Variants in RNASEH2B observed in about 807,000 individuals in gnomAD.
RNASEH2B encodes Aicardi-Goutieres syndrome 2 protein.
Under a neutral mutation model 45.0 loss-of-function variants are expected in RNASEH2B, and 36 were observed. The ratio of observed to expected loss-of-function variants is 0.80; its 90% CI spans 0.61 to 1.06. RNASEH2B has a LOEUF of 1.06. RNASEH2B is among the 50% of genes least tolerant of loss of function. The pLI is 0.00. For missense variants in RNASEH2B, 361 were observed against 360.3 expected, an observed-to-expected ratio of 1.00 and a Z score of -0.02; for synonymous variants, 119 against 125.7, an observed-to-expected ratio of 0.95 and a Z score of 0.35.
At position 50,970,336 on chromosome 13, in the gene RNASEH2B, CCTTA is replaced by C. The variant is rs574696297; in HGVS notation, c.*376_*379del. 8.9e-4 allele frequency: 418 copies of C among 469,746 alleles called. 5 individuals carry two copies. In the South Asian group the frequency reaches 0.017, roughly 19 times the overall value. The allele number at this position is 469,746 out of a possible 1,614,324, so 29.1% of individuals were successfully genotyped here. On this transcript the variant is annotated 3_prime_UTR_variant, in exon 10 of 10. Coordinates refer to the RNASEH2B transcript ENST00000422660. ...AAGCTTTGGCAAACCAAGTTTCAAC[CCTTA>C]CTTTAAAAATCTGACACTGCTTTAC...
chr13:50,967,577 G>T (rs770088755), intron 9 of RNASEH2B, among the ~76,000 whole-genome samples: 11 of 152,174 alleles, frequency 7.2e-5, no homozygotes, highest in Non-Finnish European at 2.9e-5. Context: ...ATGAGTAACT[G>T]AGCCAGAACT....
chr13:50,924,653 G>A (rs992859788), intron 1 of RNASEH2B, among the ~76,000 whole-genome samples: 1 of 152,030 alleles, frequency 6.6e-6, no homozygotes, highest in Non-Finnish European at 1.5e-5. Context: ...TAACTTCCTG[G>A]GCTCAAGTGA....
intron 1 of RNASEH2B, chr13:50,912,979 G>T (rs1263813738): frequency 6.6e-6 from 1 of 152,158 alleles, no homozygotes; most frequent in Non-Finnish European, 1.5e-5. Flanking sequence ...TTTGATTTAG[G>T]TATCTTTGCC....
At chr13:50,970,078 G>T (rs375966200) in exon 10 of RNASEH2B, 31 of 930,760 alleles carry the variant, frequency 3.3e-5, no homozygotes, top group African/African-American at 2.3e-4. Context: ...GCCAAAAGGT[G>T]CATTTTAAAG....
intron 5 of RNASEH2B, among the ~76,000 whole-genome samples, chr13:50,939,538 AAAAAT>A: frequency 2.0e-5 from 3 of 152,306 alleles, no homozygotes; most frequent in Non-Finnish European, 4.4e-5. Flanking sequence ...AAAAATAAAT[AAAAAT>A]AAAATAAATT....
chr13:50,956,751 T>A lies in RNASEH2B; in HGVS notation c.*277T>A. On this transcript the variant is annotated 3_prime_UTR_variant, in exon 11 of 11. Transcript: ENST00000336617. ...CATCATGATTTTCTCAATAAACTGA[T>A]GTGTGACAATGTTAGAGTGTATGAC... The A allele has an allele frequency of 8.4e-7, 1 of 1,183,808 alleles. No homozygotes were observed. Among genetic ancestry groups the A allele is most frequent in the Non-Finnish European group, 1.1e-6 (1 of 943,428 alleles). 73.3% of individuals were successfully genotyped at this position (1,183,808 alleles called of 1,614,324 possible). A position where few individuals can be genotyped will look rare whatever the true frequency, so the allele number is the denominator to read the frequency against.
At chr13:50,919,488 G>T (rs1264146804) in intron 1 of RNASEH2B, among the ~76,000 whole-genome samples, 2 of 152,136 alleles carry the variant, frequency 1.3e-5, no homozygotes, top group Non-Finnish European at 2.9e-5. Flanking sequence ...TGGCTGTGTG[G>T]TCTACTGGCT....
At chr13:50,934,411 C>A (rs1264880489) in intron 4 of RNASEH2B, 1 of 157,170 alleles carries the variant, frequency 6.4e-6, no homozygotes, top group Non-Finnish European at 1.4e-5. Context: ...TTTGTATTTT[C>A]TTTTTGTGGC....
Position 50,909,866 on chromosome 13 carries a change from C to A in RNASEH2B, c.-211C>A. The A allele has an allele frequency of 2.3e-6, 1 of 436,300 alleles. No homozygotes were observed. The highest frequency in any genetic ancestry group is 4.1e-6 in the Non-Finnish European group (1 of 246,592). 27.0% of individuals were successfully genotyped at this position (436,300 alleles called of 1,614,324 possible). A position where few individuals can be genotyped will look rare whatever the true frequency, so the allele number is the denominator to read the frequency against. The stretch of plus-strand genomic sequence containing the variant: ...CCACCGGCCGGCATTCAGAGCCCCT[C>A]GCCTGGCGCTAAATTTAAAAACGTA... On this transcript the variant is annotated 5_prime_UTR_variant, in exon 1 of 11. Transcript: ENST00000336617.
rs886050289 is a variant in RNASEH2B at position 50,909,970 on chromosome 13, G to A, written c.-107G>A. 1.5e-5 allele frequency: 15 copies of A among 994,394 alleles called. 1 individual carries two copies. Among genetic ancestry groups the A allele is most frequent in the Middle Eastern group, 3.2e-4 (1 of 3,156 alleles). The allele number at this position is 994,394 out of a possible 1,614,324, so 61.6% of individuals were successfully genotyped here. The stretch of plus-strand genomic sequence containing the variant: ...CCTCCCGGGCGCTGCCGGTCCCTCA[G>A]CGCGCCGCGCCACCCGGAACAGACC... On this transcript the variant is annotated 5_prime_UTR_variant, in exon 1 of 11. Coordinates refer to ENST00000336617, the MANE Select transcript of RNASEH2B (RefSeq NM_024570.4).
intron 4 of RNASEH2B, 46 bp downstream of exon 4, chr13:50,930,805 C>A (rs1349916116): frequency 1.4e-6 from 2 of 1,426,810 alleles, no homozygotes; most frequent in Admixed American, 1.7e-5. Context: ...ACAGAATCAA[C>A]TATTTTTGTT....
chr13:50,929,608 A>G (rs1951651489), intron 3 of RNASEH2B, 26 bp downstream of exon 3: 1 of 1,384,068 alleles, frequency 7.2e-7, no homozygotes, highest in Non-Finnish European at 1.0e-6. Flanking sequence ...AAGCATTTCC[A>G]ATAACTAAAC....
At chr13:50,963,641 A>G (rs1444306756) in intron 9 of RNASEH2B, among the ~76,000 whole-genome samples, 1 of 151,894 alleles carries the variant, frequency 6.6e-6, no homozygotes, top group Non-Finnish European at 1.5e-5. Context: ...TTCTAGGTCT[A>G]TTTTTCTCCT....
At chr13:50,969,824 A>C in intron 9 of RNASEH2B, 1 of 1,130,108 alleles carries the variant, frequency 8.8e-7, no homozygotes, top group Non-Finnish European at 1.3e-6. Context: ...CTCAGGACTA[A>C]ACCCGCCAGC....
intron 8 of RNASEH2B, chr13:50,948,349 C>CCTG: frequency 3.1e-6 from 1 of 326,984 alleles, no homozygotes; most frequent in Non-Finnish European, 5.5e-6. Flanking sequence ...CTCAATTATA[C>CCTG]TTAACTAATT....
Position 50,949,504 on chromosome 13 carries a change from A to C in RNASEH2B, c.740A>C (p.Lys247Thr), listed in dbSNP as rs1243895541. 6.2e-7 allele frequency: 1 copy of C among 1,613,118 alleles called. No homozygotes were observed. The highest frequency in any genetic ancestry group is 2.2e-5 in the East Asian group (1 of 44,814). ...GCCTCATTGCCAAATCCTCCATCAAAGGTAAGAAGCTGTGACTAAGATATC... is the reference window on the plus strand; with the variant it reads ...GCCTCATTGCCAAATCCTCCATCAACGGTAAGAAGCTGTGACTAAGATATC... ...PSASLPNPPS[K>T]KIKLSDEPVE... The change falls in exon 9 of 11, where the codon AAG becomes ACG. Residue 247 changes from lysine to threonine, a missense_variant and splice_region_variant. Physicochemically the swap from Lys to Thr is moderately conservative, Grantham distance 78. Transcript: ENST00000336617.
At position 50,909,861 on chromosome 13, in the gene RNASEH2B, C is replaced by G. The variant is rs983950195; in HGVS notation, c.-216C>G. The stretch of plus-strand genomic sequence containing the variant: ...TGCGGCCACCGGCCGGCATTCAGAG[C>G]CCCTCGCCTGGCGCTAAATTTAAAA... On this transcript the variant is annotated 5_prime_UTR_variant, in exon 1 of 11. Transcript: ENST00000336617. The G allele has an allele frequency of 1.4e-5, 6 of 430,764 alleles. No homozygotes were observed. The highest frequency in any genetic ancestry group is 2.5e-5 in the Non-Finnish European group (6 of 242,952). 26.7% of individuals were successfully genotyped at this position (430,764 alleles called of 1,614,324 possible). A position where few individuals can be genotyped will look rare whatever the true frequency, so the allele number is the denominator to read the frequency against.
chr13:50,913,985 T>G (rs929964261), intron 1 of RNASEH2B, among the ~76,000 whole-genome samples: 1 of 152,084 alleles, frequency 6.6e-6, no homozygotes, highest in South Asian at 2.1e-4. Flanking sequence ...AAACTAATTT[T>G]CTTATTTAAT....
Position 50,926,402 on chromosome 13 carries a change from A to G in RNASEH2B, c.65-1005A>G, listed in dbSNP as rs73499732. On this transcript the variant is annotated intron_variant, in intron 1 of 10. Coordinates refer to ENST00000336617, the MANE Select transcript of RNASEH2B (RefSeq NM_024570.4). ...ATGCCCCCTTACTAATCAGAGCCCC[A>G]TTGTTCTTTTTGGTAATAGGAACAT... is the stretch of plus-strand genomic sequence containing the variant. Among the ~76,000 whole-genome samples, 1,040 of 152,178 alleles carry G rather than the reference A, an allele frequency of 6.8e-3. 10 individuals carry two copies. The highest frequency in any genetic ancestry group is 0.024 in the African/African-American group (992 of 41,532).
Sources: gnomAD v4.1 joint callset for allele counts (sites outside exome capture counted in the v4.1 genomes callset) on GRCh38, gnomAD v4.1.1 for gene constraint, MANE v1.5 for transcripts, NCBI Gene and HGNC (gene_info 2026-07-23, HGNC 2026-07-21) for gene names.